Variants in AFG2A observed in about 807,000 individuals in gnomAD.
AFG2A encodes the protein AAA ATPase AFG2A.
the AFG2A span, among the ~76,000 whole-genome samples, chr4:123,147,758 T>C: frequency 2.6e-5 from 4 of 152,186 alleles, no homozygotes; most frequent in Non-Finnish European, 4.4e-5. Flanking sequence ...GGATTCCAGC[T>C]GTCTCATTAA....
At chr4:123,172,263 T>C in the AFG2A span, among the ~76,000 whole-genome samples, 1 of 152,328 alleles carries the variant, frequency 6.6e-6, no homozygotes, top group East Asian at 1.9e-4. Context: ...ATCCTAACAC[T>C]TTATAAAAAT....
At chr4:123,108,110 C>T in the AFG2A span, among the ~76,000 whole-genome samples, 2 of 152,210 alleles carry the variant, frequency 1.3e-5, no homozygotes, top group Non-Finnish European at 1.5e-5. Flanking sequence ...CAACTCTAGC[C>T]GCACCTACCC....
At chr4:122,929,010 T>C in the AFG2A span, 1 of 1,605,376 alleles carries the variant, frequency 6.2e-7, no homozygotes, top group Non-Finnish European at 8.5e-7. Flanking sequence ...ATATTTATTT[T>C]CTAACATTTT....
At chr4:123,018,846 G>A in the AFG2A span, among the ~76,000 whole-genome samples, 4 of 149,278 alleles carry the variant, frequency 2.7e-5, no homozygotes, top group East Asian at 3.9e-4. Context: ...GTTTCACCAT[G>A]TTGGCCAGGC....
chr4:123,118,239 A>G, the AFG2A span, among the ~76,000 whole-genome samples: 1 of 108,558 alleles, frequency 9.2e-6, no homozygotes, highest in Non-Finnish European at 2.2e-5. Flanking sequence ...TCTTCTTCCA[A>G]TTTTTTAACA....
the AFG2A span, among the ~76,000 whole-genome samples, chr4:122,947,054 G>A: frequency 1.3e-5 from 2 of 152,050 alleles, no homozygotes; most frequent in African/African-American, 4.8e-5. Context: ...AGTAATAAAT[G>A]TATAATAAAA....
At chr4:123,297,987 C>A in the AFG2A span, among the ~76,000 whole-genome samples, 9 of 152,114 alleles carry the variant, frequency 5.9e-5, no homozygotes, top group Admixed American at 2.0e-4. Flanking sequence ...AACCAACAAT[C>A]GGCCTGACTC....
chr4:122,932,761 C>T, the AFG2A span, among the ~76,000 whole-genome samples: 2 of 152,152 alleles, frequency 1.3e-5, no homozygotes, highest in African/African-American at 4.8e-5. Context: ...CTTGGTCATG[C>T]CCTTTCTCCA....
chr4:123,012,080 G>GT, the AFG2A span, among the ~76,000 whole-genome samples: 1 of 143,400 alleles, frequency 7.0e-6, no homozygotes, highest in Non-Finnish European at 1.5e-5. Flanking sequence ...TGGGGTGCTT[G>GT]CCCCCCAGGA....
At chr4:123,104,713 CT>C in the AFG2A span, among the ~76,000 whole-genome samples, 3 of 152,210 alleles carry the variant, frequency 2.0e-5, no homozygotes, top group African/African-American at 7.2e-5. Context: ...TTTTAGTGAT[CT>C]GGATAGAAGA....
At chr4:123,273,459 A>G in the AFG2A span, among the ~76,000 whole-genome samples, 1 of 152,266 alleles carries the variant, frequency 6.6e-6, no homozygotes, top group South Asian at 2.1e-4. Context: ...ATATAGATAT[A>G]TTACATAAAG....
chr4:123,206,347 A>G, the AFG2A span, among the ~76,000 whole-genome samples: 2 of 152,178 alleles, frequency 1.3e-5, no homozygotes, highest in Non-Finnish European at 2.9e-5. Flanking sequence ...GAGGAATTCT[A>G]TCAGAAAATG....
chr4:123,315,001 C>T, the AFG2A span: 1 of 151,846 alleles, frequency 6.6e-6, no homozygotes, highest in Non-Finnish European at 1.5e-5. Flanking sequence ...GGTGACCCAC[C>T]CACCTGAGCC....
the AFG2A span, among the ~76,000 whole-genome samples, chr4:123,135,224 A>T: frequency 1.3e-5 from 1 of 74,076 alleles, no homozygotes; most frequent in Non-Finnish European, 4.1e-5. Flanking sequence ...CATGATTAAA[A>T]ATCTAACAAA....
the AFG2A span, among the ~76,000 whole-genome samples, chr4:123,205,359 A>G: frequency 6.6e-6 from 1 of 152,128 alleles, no homozygotes; most frequent in African/African-American, 2.4e-5. Context: ...TAAAATTATG[A>G]CAGTTATTAT....
At chr4:123,144,933 C>T in the AFG2A span, among the ~76,000 whole-genome samples, 1 of 152,014 alleles carries the variant, frequency 6.6e-6, no homozygotes, top group East Asian at 1.9e-4. Context: ...GTACTGGAAG[C>T]AATTATTTTC....
At chr4:122,982,606 C>G in the AFG2A span, among the ~76,000 whole-genome samples, 3 of 152,080 alleles carry the variant, frequency 2.0e-5, no homozygotes, top group Non-Finnish European at 4.4e-5. Context: ...AGCATAACTT[C>G]TCGGGTCTTG....
chr4:123,286,819 A>G, the AFG2A span, among the ~76,000 whole-genome samples: 1 of 152,052 alleles, frequency 6.6e-6, no homozygotes, highest in African/African-American at 2.4e-5. Context: ...GAACTTCTGT[A>G]ATAGGAGAGT....
At chr4:122,939,946 G>A in the AFG2A span, among the ~76,000 whole-genome samples, 1,746 of 152,208 alleles carry the variant, frequency 0.011, 12 homozygotes, top group Middle Eastern at 0.069. Flanking sequence ...CCATGTCCCT[G>A]TAAAGGACAT....
Sources: allele counts gnomAD v4.1 joint callset (sites outside exome capture counted in the v4.1 genomes callset), GRCh38; gene constraint gnomAD v4.1.1; transcripts MANE v1.5; gene names NCBI Gene and HGNC (gene_info 2026-07-23, HGNC 2026-07-21).